TRMU: variants seen among roughly 807,000 people sequenced by gnomAD.
TRMU encodes the protein mitochondrial tRNA-specific 2-thiouridylase 1.
TRMU carries 49 observed loss-of-function variants against 46.9 expected under a neutral mutation model. That is an observed-to-expected ratio of 1.05 (90% confidence interval 0.83 to 1.33). The LOEUF is 1.33. Ranked by LOEUF, TRMU falls within the 40% of genes most tolerant of loss-of-function variation. The pLI is 0.00. For missense variants in TRMU, 572 were observed against 532.4 expected (o/e 1.07, Z -0.73); for synonymous variants, 241 against 200.9 (o/e 1.20, Z -1.69).
intron 8 of TRMU, chr22:46,354,138 G>A (rs2078523019): frequency 2.5e-6 from 1 of 395,344 alleles, no homozygotes; most frequent in South Asian, 2.1e-5. Context: ...TTATGAAAGA[G>A]GACAGCGACG....
At position 46,356,926 on chromosome 22, in the gene TRMU, G is replaced by A. The variant is rs768753612; in HGVS notation, c.1186G>A (p.Gly396Ser). ...LGPSAYTLQKGQRRAGMATES... is the reference protein window; with the variant it reads ...LGPSAYTLQKSQRRAGMATES... ...GCCGTCTGCCTACACGCTCCAGAAG[G>A]GCCAGCGCAGAGCTGGGATGGCCAC... Residue 396 changes from glycine (G) to serine (S), a missense_variant, in exon 11 of 11, where the codon GGC (glycine) becomes AGC (serine). Transcript: ENST00000645190. The A allele has an allele frequency of 1.9e-6, 3 of 1,613,266 alleles. No individual in the cohort carries two copies. Among genetic ancestry groups the A allele is most frequent in the Non-Finnish European group, 2.5e-6 (3 of 1,179,868 alleles).
rs1289802956 is a variant in TRMU at position 46,350,807 on chromosome 22, G to A, written c.651+344G>A. Among the ~76,000 whole-genome samples, 1 of 152,218 alleles carries A rather than the reference G, an allele frequency of 6.6e-6. No homozygotes were observed. The highest frequency in any genetic ancestry group is 1.5e-5 in the Non-Finnish European group (1 of 68,046). Reference sequence around the variant, plus strand: ...GTGATGCAGCCCCGAGACCCCTGGAGGGGCAGGTGCTGTGCCGCCGTCTGC... The same window carrying A: ...GTGATGCAGCCCCGAGACCCCTGGAAGGGCAGGTGCTGTGCCGCCGTCTGC... On this transcript the variant is annotated intron_variant, in intron 5 of 10. Coordinates refer to ENST00000645190, the MANE Select transcript of TRMU (RefSeq NM_018006.5). The surrounding 1 kb of genome is among the most constrained non-coding windows in gnomAD (Gnocchi z 4.6).
In TRMU at chr22:46,353,790, C is replaced by A. The variant is rs745978756; in HGVS notation, c.796C>A (p.Gln266Lys). The change falls in exon 8 of 11, where the codon CAG becomes AAG. Residue 266 changes from glutamine to lysine, a missense_variant. By Grantham distance (53) the Gln-to-Lys change is moderately conservative (BLOSUM62 1). Coordinates refer to ENST00000645190, the MANE Select transcript of TRMU (RefSeq NM_018006.5). ...AGGTTGGTTCCTGTATACCTTGGGC[C>A]AGAGAGCAAACATAGGTGGCCTGAG... is the stretch of plus-strand genomic sequence containing the variant. ...HKGWFLYTLGQRANIGGLREP... is the reference protein window; with the variant it reads ...HKGWFLYTLGKRANIGGLREP... 10 of 1,613,938 alleles carry A rather than the reference C, an allele frequency of 6.2e-6. No individual in the cohort carries two copies. Among genetic ancestry groups the A allele is most frequent in the Non-Finnish European group, 8.5e-6 (10 of 1,179,890 alleles).
At chr22:46,354,029 A>C (rs745637768) in intron 8 of TRMU, 162 bp downstream of exon 8, 1 of 679,634 alleles carries the variant, frequency 1.5e-6, no homozygotes. Context: ...GGGACTGGCC[A>C]TGGTGGCAGG....
rs891934945 is a variant in TRMU at position 46,348,254 on chromosome 22, C to T, written c.478+1710C>T. 1.3e-5 allele frequency among the ~76,000 whole-genome samples: 2 copies of T among 152,216 alleles called. No homozygotes were observed. Among genetic ancestry groups the T allele is most frequent in the African/African-American group, 4.8e-5 (2 of 41,456 alleles). On this transcript the variant is annotated intron_variant, in intron 4 of 10. Transcript: ENST00000645190. This position sits in a 1 kb window ranked among gnomAD's most constrained non-coding sequence, Gnocchi z 4.8. Reference sequence around the variant, plus strand: ...CCTCCTAGAACATTACCTCCTAGAACACTGTGTGCCCTGCAGAGCCATCGA... The same window carrying T: ...CCTCCTAGAACATTACCTCCTAGAATACTGTGTGCCCTGCAGAGCCATCGA...
chr22:46,350,337 C>T lies in TRMU; in HGVS notation c.525C>T (p.Phe175=), dbSNP rs1242492741. The T allele has an allele frequency of 6.2e-7, 1 of 1,614,126 alleles. No individual in the cohort carries two copies. Among genetic ancestry groups the T allele is most frequent in the East Asian group, 2.2e-5 (1 of 44,900 alleles). The change falls in exon 5 of 11, where the codon TTC becomes TTT. Residue 175 remains phenylalanine (F), a synonymous_variant. Coordinates refer to ENST00000645190, the MANE Select transcript of TRMU (RefSeq NM_018006.5). This position sits in a 1 kb window ranked among gnomAD's most constrained non-coding sequence, Gnocchi z 4.6. ...CTGACAGCTTTAAAGACCAGACCTTCTTTCTCAGCCAGGTTTCCCAGGATG... is the reference window on the plus strand; with the variant it reads ...CTGACAGCTTTAAAGACCAGACCTTTTTTCTCAGCCAGGTTTCCCAGGATG... ...QAADSFKDQT[F]FLSQVSQDAL...
In TRMU at chr22:46,349,747, C is replaced by G. The variant is rs922156943; in HGVS notation, c.479-544C>G. On this transcript the variant is annotated intron_variant, in intron 4 of 10. Coordinates refer to ENST00000645190, the MANE Select transcript of TRMU (RefSeq NM_018006.5). This position sits in a 1 kb window ranked among gnomAD's most constrained non-coding sequence, Gnocchi z 4.6. ...AACAGATGTCAGCTGAGACTCTCAA[C>G]AAAAAAACGTTTTTACCAAGAAAGC... is the stretch of plus-strand genomic sequence containing the variant. Among the ~76,000 whole-genome samples the G allele has an allele frequency of 1.3e-5, 2 of 152,016 alleles. No homozygotes were observed. The highest frequency in any genetic ancestry group is 4.8e-5 in the African/African-American group (2 of 41,396).
chr22:46,342,159 A>C lies in TRMU; in HGVS notation c.249-1103A>C, dbSNP rs1031302660. On this transcript the variant is annotated intron_variant, in intron 2 of 10. Coordinates refer to ENST00000645190, the MANE Select transcript of TRMU (RefSeq NM_018006.5). The surrounding 1 kb of genome is among the most constrained non-coding windows in gnomAD (Gnocchi z 4.7). The stretch of plus-strand genomic sequence containing the variant: ...CCCCCAGACGGACTCCCCCCACAAC[A>C]GCAGTCGAAAGTATGGGCCTCTAGA... Among the ~76,000 whole-genome samples, 7 of 152,364 alleles carry C rather than the reference A, an allele frequency of 4.6e-5. No homozygotes were observed. The East Asian group carries it at 7.7e-4, about 17-fold the overall frequency.
intron 10 of TRMU, chr22:46,356,476 G>A (rs751071119): frequency 1.7e-4 from 70 of 420,606 alleles, no homozygotes; most frequent in Non-Finnish European, 2.8e-4. Flanking sequence ...GGCAGGTGGT[G>A]GGAGGGAACC....
Position 46,352,302 on chromosome 22 carries a change from A to G in TRMU, c.744A>G (p.Glu248=), listed in dbSNP as rs546554617. The G allele has an allele frequency of 6.2e-7, 1 of 1,614,060 alleles. No homozygotes were observed. The highest frequency in any genetic ancestry group is 2.2e-5 in the East Asian group (1 of 44,878). The part of the protein sequence containing the change: ...QPRPGHFISI[E]DNKVLGTHKG... ...GACCTGGTCACTTTATTTCCATAGA[A>G]GACAATAAGGTTCTGGGAACACATA... The change falls in exon 7 of 11, where the codon GAA becomes GAG. Residue 248 remains glutamate (E), a synonymous_variant. Coordinates refer to ENST00000645190, the MANE Select transcript of TRMU (RefSeq NM_018006.5).
Position 46,335,789 on chromosome 22 carries a change from T to G in TRMU, c.25T>G (p.Cys9Gly). Reference sequence around the variant, plus strand: ...GATGCAGGCCTTGCGGCACGTCGTGTGCGCCCTGTCCGGCGGCGTGGACAG... The same window carrying G: ...GATGCAGGCCTTGCGGCACGTCGTGGGCGCCCTGTCCGGCGGCGTGGACAG... MQALRHVV[C>G]ALSGGVDSAV... The change falls in exon 1 of 11, where the codon TGC (cysteine) becomes GGC (glycine). Residue 9 changes from cysteine to glycine, a missense_variant. Cys to Gly is a radical substitution (Grantham distance 159). Coordinates refer to ENST00000645190, the MANE Select transcript of TRMU (RefSeq NM_018006.5). 3.8e-6 allele frequency: 6 copies of G among 1,560,248 alleles called. No individual in the cohort carries two copies. The highest frequency in any genetic ancestry group is 5.2e-6 in the Non-Finnish European group (6 of 1,157,640).
rs535394589 is a variant in TRMU, at chr22:46,339,716, A to G, written c.248+1772A>G. ...TTTAGAGAGATTAAGTAAATTGACT[A>G]TGGTCACCTAAATAATCAACGGAAG... On this transcript the variant is annotated intron_variant, in intron 2 of 10. Transcript: ENST00000645190. This position sits in a 1 kb window ranked among gnomAD's most constrained non-coding sequence, Gnocchi z 4.8. 5.3e-5 allele frequency among the ~76,000 whole-genome samples: 8 copies of G among 152,312 alleles called. No individual in the cohort carries two copies. Among genetic ancestry groups the G allele is most frequent in the African/African-American group, 1.2e-4 (5 of 41,568 alleles).
Position 46,342,390 on chromosome 22 carries a change from A to G in TRMU, c.249-872A>G, listed in dbSNP as rs1007702381. Among the ~76,000 whole-genome samples the G allele has an allele frequency of 2.0e-5, 3 of 152,124 alleles. No homozygotes were observed. Among genetic ancestry groups the G allele is most frequent in the Non-Finnish European group, 2.9e-5 (2 of 68,010 alleles). ...TGGAGTGTCCACACCCTCCCTGGGG[A>G]CCACCCTCCAGGAGCCTCCACAAGT... is the stretch of plus-strand genomic sequence containing the variant. On this transcript the variant is annotated intron_variant, in intron 2 of 10. Coordinates refer to ENST00000645190, the MANE Select transcript of TRMU (RefSeq NM_018006.5). The surrounding 1 kb of genome is among the most constrained non-coding windows in gnomAD (Gnocchi z 4.7).
Position 46,349,185 on chromosome 22 carries a change from C to T in TRMU, c.479-1106C>T, listed in dbSNP as rs1328166452. Among the ~76,000 whole-genome samples the T allele has an allele frequency of 6.6e-6, 1 of 151,202 alleles. No homozygotes were observed. The highest frequency in any genetic ancestry group is 2.1e-4 in the South Asian group (1 of 4,792). ...TCTGGAAAGTGCTCTGCTTCCGTGG[C>T]GACTGGTCGGCTGAACTTGGTCTCA... On this transcript the variant is annotated intron_variant, in intron 4 of 10. Transcript: ENST00000645190. The surrounding 1 kb of genome is among the most constrained non-coding windows in gnomAD (Gnocchi z 4.6).
intron 3 of TRMU, among the ~76,000 whole-genome samples, chr22:46,344,136 T>C (rs752649536): frequency 2.0e-5 from 3 of 152,230 alleles, no homozygotes; most frequent in Admixed American, 2.0e-4. Context: ...GGTTCAGTAA[T>C]TCTCCTAGGA....
chr22:46,344,617 G>A (rs899205692), intron 3 of TRMU, among the ~76,000 whole-genome samples: 3 of 152,208 alleles, frequency 2.0e-5, no homozygotes, highest in African/African-American at 2.4e-5. Flanking sequence ...AAGCTGTCAC[G>A]AAAGCTTTTT....
At position 46,347,656 on chromosome 22, in the gene TRMU, G is replaced by A. The variant is rs777011826; in HGVS notation, c.478+1112G>A. ...TGAGCCACCAAGCCCGGCCTCACAC[G>A]TTTCACATCACTCCTCTTAGCAGTC... On this transcript the variant is annotated intron_variant, in intron 4 of 10. Coordinates refer to ENST00000645190, the MANE Select transcript of TRMU (RefSeq NM_018006.5). This position sits in a 1 kb window ranked among gnomAD's most constrained non-coding sequence, Gnocchi z 5.0. Among the ~76,000 whole-genome samples, 2 of 152,128 alleles carry A rather than the reference G, an allele frequency of 1.3e-5. No individual in the cohort carries two copies. Among genetic ancestry groups the A allele is most frequent in the Non-Finnish European group, 2.9e-5 (2 of 68,026 alleles).
In TRMU at chr22:46,349,207, C is replaced by T. The variant is rs899100383; in HGVS notation, c.479-1084C>T. Among the ~76,000 whole-genome samples the T allele has an allele frequency of 1.1e-4, 16 of 151,706 alleles. No individual in the cohort carries two copies. The highest frequency in any genetic ancestry group is 1.9e-4 in the Non-Finnish European group (13 of 67,978). ...TGGCGACTGGTCGGCTGAACTTGGT[C>T]TCACTTGTCACTCAGTTCTGCTGTT... On this transcript the variant is annotated intron_variant, in intron 4 of 10. Transcript: ENST00000645190. This position sits in a 1 kb window ranked among gnomAD's most constrained non-coding sequence, Gnocchi z 4.6.
At position 46,350,267 on chromosome 22, in the gene TRMU, T is replaced by C. The variant is rs2078375459; in HGVS notation, c.479-24T>C. ...TATCATTATTTTTATTCCTGCATCGTCTTTTGTTCTTTATTCTTGGCAGCG... is the reference window on the plus strand; with the variant it reads ...TATCATTATTTTTATTCCTGCATCGCCTTTTGTTCTTTATTCTTGGCAGCG... On this transcript the variant is annotated intron_variant, in intron 4 of 10. Coordinates refer to ENST00000645190, the MANE Select transcript of TRMU (RefSeq NM_018006.5). The surrounding 1 kb of genome is among the most constrained non-coding windows in gnomAD (Gnocchi z 4.6). The C allele has an allele frequency of 6.2e-7, 1 of 1,613,962 alleles. No homozygotes were observed. Among genetic ancestry groups the C allele is most frequent in the Admixed American group, 1.7e-5 (1 of 60,008 alleles).
Sources: allele counts gnomAD v4.1 joint callset (sites outside exome capture counted in the v4.1 genomes callset), GRCh38; gene constraint gnomAD v4.1.1; non-coding constraint Gnocchi (gnomAD v3.1); transcripts MANE v1.5; gene names NCBI Gene and HGNC (gene_info 2026-07-23, HGNC 2026-07-21).